Variants in ZNF66 observed in about 807,000 individuals in gnomAD.
ZNF66 encodes putative zinc finger protein 66.
Under a neutral mutation model 35.2 loss-of-function variants are expected in ZNF66, and 32 were observed. The ratio of observed to expected loss-of-function variants is 0.91; its 90% confidence interval spans 0.69 to 1.22. ZNF66 has a LOEUF of 1.22. ZNF66 is among the 50% of genes most tolerant of loss of function. The pLI is 0.00. For missense variants in ZNF66, 666 were observed against 543.1 expected (o/e 1.23, Z -2.25); for synonymous variants, 231 against 181.3 (o/e 1.27, Z -2.20).
At position 20,785,751 on chromosome 19, in the gene ZNF66, G is replaced by GTTTT. The variant is rs1171317364; in HGVS notation, c.4-6759_4-6756dup. Among the ~76,000 whole-genome samples the GTTTT allele has an allele frequency of 6.6e-4, 98 of 148,676 alleles. 2 individuals carry two copies. Among genetic ancestry groups the GTTTT allele is most frequent in the African/African-American group, 2.3e-3 (94 of 40,140 alleles). ...TGGAGAAAATTTTTCTTCTTTTTCT[G>GTTTT]TTTTTGTTTGTTTGTTTGTTTGTTT... On this transcript the variant is annotated intron_variant, in intron 1 of 3. Transcript: ENST00000344519.
chr19:20,801,788 G>A (rs73009783), intron 3 of ZNF66, among the ~76,000 whole-genome samples: 13,765 of 105,124 alleles, frequency 0.13, 640 homozygotes, highest in Middle Eastern at 0.17. Flanking sequence ...CTCACACCCA[G>A]CTAGCTTTTT....
chr19:20,809,573 C>A lies in ZNF66; in HGVS notation c.*2251C>A, dbSNP rs1387708693. 2.0e-5 allele frequency among the ~76,000 whole-genome samples: 3 copies of A among 151,616 alleles called. No individual in the cohort carries two copies. The highest frequency in any genetic ancestry group is 7.3e-5 in the African/African-American group (3 of 41,256). Reference sequence around the variant, plus strand: ...TTTCAACCCAGAATTTCATATCCAGCCAAACTAAGCTTCATAAGTGAAGGA... The same window carrying A: ...TTTCAACCCAGAATTTCATATCCAGACAAACTAAGCTTCATAAGTGAAGGA... On this transcript the variant is annotated 3_prime_UTR_variant, in exon 4 of 4. Transcript: ENST00000344519.
intron 3 of ZNF66, among the ~76,000 whole-genome samples, chr19:20,796,223 C>CTT (rs969770823): frequency 1.3e-4 from 18 of 141,722 alleles, no homozygotes; most frequent in Non-Finnish European, 2.4e-4. Flanking sequence ...AGATGGCTGA[C>CTT]TTTTTTTTTT....
At chr19:20,805,126 T>TGAGA (rs60295293) in intron 3 of ZNF66, among the ~76,000 whole-genome samples, 34 of 146,080 alleles carry the variant, frequency 2.3e-4, no homozygotes, top group East Asian at 8.1e-4. Context: ...TGTGTGTGTG[T>TGAGA]GAGAGAGAGA....
At position 20,809,586 on chromosome 19, in the gene ZNF66, C is replaced by T. The variant is rs575510125; in HGVS notation, c.*2264C>T. On this transcript the variant is annotated 3_prime_UTR_variant, in exon 4 of 4. Coordinates refer to ENST00000344519, the MANE Select transcript of ZNF66 (RefSeq NM_001355197.2). ...TTTCATATCCAGCCAAACTAAGCTT[C>T]ATAAGTGAAGGAGAAATAAAATACT... 6.6e-6 allele frequency among the ~76,000 whole-genome samples: 1 copy of T among 151,724 alleles called. No homozygotes were observed. The highest frequency in any genetic ancestry group is 2.1e-4 in the South Asian group (1 of 4,772).
At position 20,807,090 on chromosome 19, in the gene ZNF66, C is replaced by A. The variant is rs781359122; in HGVS notation, c.1490C>A (p.Thr497Asn). ...GCCTTTAAGTGCTCCTCTATTCTTA[C>A]TACACATAAGAGAATTCATACTGCA... ...GKAFKCSSIL[T>N]THKRIHTADK... Residue 497 changes from threonine (T) to asparagine (N), a missense_variant, in exon 4 of 4, where the codon ACT (threonine) becomes AAT (asparagine). Coordinates refer to ENST00000344519, the MANE Select transcript of ZNF66 (RefSeq NM_001355197.2). The A allele has an allele frequency of 2.5e-6, 2 of 794,362 alleles. No homozygotes were observed. The highest frequency in any genetic ancestry group is 4.5e-6 in the Non-Finnish European group (2 of 441,940). 49.2% of individuals were successfully genotyped at this position (794,362 alleles called of 1,614,324 possible).
intron 2 of ZNF66, among the ~76,000 whole-genome samples, chr19:20,793,073 G>GAA (rs377342660): frequency 1.5e-5 from 2 of 129,144 alleles, no homozygotes; most frequent in Non-Finnish European, 3.3e-5. Context: ...TCTCAAGGAA[G>GAA]AAAAAAAAAA....
Position 20,808,327 on chromosome 19 carries a change from G to A in ZNF66, c.*1005G>A, listed in dbSNP as rs866949850. 1.3e-5 allele frequency among the ~76,000 whole-genome samples: 2 copies of A among 152,224 alleles called. No individual in the cohort carries two copies. The highest frequency in any genetic ancestry group is 4.8e-5 in the African/African-American group (2 of 41,464). ...AACCTCTGCAGACTTAAACGTCCCT[G>A]TCTGACAGCTTTGAAGAGAGTAGTG... On this transcript the variant is annotated 3_prime_UTR_variant, in exon 4 of 4. Coordinates refer to ENST00000344519, the MANE Select transcript of ZNF66 (RefSeq NM_001355197.2).
Position 20,807,630 on chromosome 19 carries a change from G to T in ZNF66, c.*308G>T, listed in dbSNP as rs1971535899. 1.3e-5 allele frequency among the ~76,000 whole-genome samples: 2 copies of T among 151,220 alleles called. No individual in the cohort carries two copies. Among genetic ancestry groups the T allele is most frequent in the African/African-American group, 4.9e-5 (2 of 41,058 alleles). ...AGTTTCATGCTTGTCACCCAAGCTG[G>T]AATACAATGTGATGATCTCGGATCA... On this transcript the variant is annotated 3_prime_UTR_variant, in exon 4 of 4. Transcript: ENST00000344519.
At position 20,806,333 on chromosome 19, in the gene ZNF66, A is replaced by G; in HGVS notation, c.733A>G (p.Thr245Ala). 3.2e-6 allele frequency: 5 copies of G among 1,545,520 alleles called. No homozygotes were observed. The highest frequency in any genetic ancestry group is 4.5e-6 in the Non-Finnish European group (5 of 1,118,334). Residue 245 changes from threonine (T) to alanine (A), a missense_variant, in exon 4 of 4, where the codon ACT becomes GCT. Physicochemically the swap from Thr to Ala is moderately conservative, Grantham distance 58 (BLOSUM62 0). Transcript: ENST00000344519. ...AGCCTTTAACCGCTCCTCTAACCTT[A>G]CTACACATAAGAAAATTCATACTGG... ...GKAFNRSSNL[T>A]THKKIHTGEK...
chr19:20,778,512 A>T (rs1460483758), intron 1 of ZNF66, among the ~76,000 whole-genome samples: 1 of 152,206 alleles, frequency 6.6e-6, no homozygotes, highest in Non-Finnish European at 1.5e-5. Flanking sequence ...AGCCAGGTGC[A>T]GTGGCTCATG....
intron 3 of ZNF66, chr19:20,799,008 G>A (rs1971421347): frequency 2.0e-5 from 3 of 148,586 alleles, no homozygotes; most frequent in Admixed American, 1.3e-4. Context: ...CAGGTCCTGT[G>A]TTGCATATTT....
chr19:20,799,367 T>TA (rs1273555409), intron 3 of ZNF66: 1 of 152,142 alleles, frequency 6.6e-6, no homozygotes, highest in Non-Finnish European at 1.5e-5. Flanking sequence ...TGGCCTGTGT[T>TA]ACATATTTTA....
intron 1 of ZNF66, among the ~76,000 whole-genome samples, chr19:20,777,372 A>AT (rs1189117969): frequency 6.6e-6 from 1 of 151,156 alleles, no homozygotes; most frequent in Non-Finnish European, 1.5e-5. Context: ...TTAGAGCTTA[A>AT]TTGGCAGTTT....
intron 3 of ZNF66, among the ~76,000 whole-genome samples, chr19:20,803,069 G>A (rs1199831244): frequency 6.6e-6 from 1 of 151,956 alleles, no homozygotes. Context: ...ATATTTACAT[G>A]AAATTTCTAC....
chr19:20,782,974 T>C (rs1568494045), intron 1 of ZNF66, among the ~76,000 whole-genome samples: 1 of 152,200 alleles, frequency 6.6e-6, no homozygotes, highest in Non-Finnish European at 1.5e-5. Flanking sequence ...CAGATTTTCT[T>C]ATAATTTTAA....
chr19:20,779,007 G>C (rs73007847), intron 1 of ZNF66, among the ~76,000 whole-genome samples: 14,165 of 152,090 alleles, frequency 0.093, 676 homozygotes, highest in Middle Eastern at 0.11. Flanking sequence ...GGAGCCTCCC[G>C]TGCAGGTGTC....
Position 20,807,066 on chromosome 19 carries a change from C to T in ZNF66, c.1466C>T (p.Ala489Val), listed in dbSNP as rs1274613273. 5 of 806,374 alleles carry T rather than the reference C, an allele frequency of 6.2e-6. No individual in the cohort carries two copies. Among genetic ancestry groups the T allele is most frequent in the Non-Finnish European group, 6.7e-6 (3 of 450,786 alleles). 50.0% of individuals were successfully genotyped at this position (806,374 alleles called of 1,614,324 possible). The change falls in exon 4 of 4, where the codon GCC becomes GTC. Residue 489 changes from alanine (A) to valine (V), a missense_variant. Coordinates refer to ENST00000344519, the MANE Select transcript of ZNF66 (RefSeq NM_001355197.2). ...KPYKCEECGKAFKCSSILTTH... is the reference protein window; with the variant it reads ...KPYKCEECGKVFKCSSILTTH... ...TACAAATGTGAAGAATGTGGCAAGG[C>T]CTTTAAGTGCTCCTCTATTCTTACT...
intron 1 of ZNF66, among the ~76,000 whole-genome samples, chr19:20,783,919 T>C (rs914691168): frequency 1.3e-5 from 2 of 152,210 alleles, no homozygotes; most frequent in African/African-American, 4.8e-5. Context: ...TGCAGTGGCG[T>C]GATCTCAGCT....
Sources: allele counts gnomAD v4.1 joint callset (sites outside exome capture counted in the v4.1 genomes callset), GRCh38; gene constraint gnomAD v4.1.1; transcripts MANE v1.5; gene names NCBI Gene and HGNC (gene_info 2026-07-23, HGNC 2026-07-21).